Variants in CDK11A observed in about 807,000 individuals in gnomAD.
The protein encoded by CDK11A is cyclin-dependent kinase 11A.
CDK11A carries 55 observed loss-of-function variants against 83.6 expected under a neutral mutation model. The ratio of observed to expected loss-of-function variants is 0.66; its 90% CI spans 0.53 to 0.82. The LOEUF (loss-of-function observed/expected upper bound fraction) is 0.82, where lower values mean the gene tolerates loss of function less well. Among genes scored for constraint, CDK11A ranks in the 40% least tolerant of loss-of-function variants. The pLI, the probability that CDK11A is intolerant of heterozygous loss-of-function variation, is 0.00. For missense variants in CDK11A, 564 were observed against 810.1 expected, an observed-to-expected ratio of 0.70 and a Z score of 3.69; for synonymous variants, 247 against 302.7, an observed-to-expected ratio of 0.82 and a Z score of 1.91.
chr1:1,708,136 G>A lies in CDK11A; in HGVS notation c.1069+44C>T, dbSNP rs369174270. On this transcript the variant is annotated intron_variant, in intron 10 of 19. Transcript: ENST00000404249. Reference sequence around the variant, plus strand: ...GTCTTAGGAGAGGGCTGCTGCACTCGGAGACAGACAAGGAGGGGGCTCTGT... The same window carrying A: ...GTCTTAGGAGAGGGCTGCTGCACTCAGAGACAGACAAGGAGGGGGCTCTGT... 197 of 1,574,210 alleles carry A rather than the reference G, an allele frequency of 1.3e-4. 4 individuals carry two copies. The highest frequency in any genetic ancestry group is 4.0e-4 in the South Asian group (34 of 85,814).
In CDK11A at chr1:1,704,559, A is replaced by C; in HGVS notation, c.1555T>G (p.Phe519Val). The part of the protein sequence containing the change: ...KSLMETMKQP[F>V]LPGEVKTLMI... Reference sequence around the variant, plus strand: ...CGGGGCGCGGCTGTACCTGGCAGGAAGGGCTGTTTCATGGTCTCCATCAGG... The same window carrying C: ...CGGGGCGCGGCTGTACCTGGCAGGACGGGCTGTTTCATGGTCTCCATCAGG... Residue 519 changes from phenylalanine to valine, a missense_variant, in exon 14 of 20, where the codon TTC becomes GTC. This residue lies in a region of CDK11A where 361 missense variants were observed against 402.7 expected (regional missense o/e 0.90). Transcript: ENST00000404249. The C allele has an allele frequency of 6.2e-7, 1 of 1,604,834 alleles. No homozygotes were observed. Among genetic ancestry groups the C allele is most frequent in the South Asian group, 1.1e-5 (1 of 90,020 alleles).
Position 1,704,210 on chromosome 1 carries a change from G to A in CDK11A, c.1686+13C>T. 6.2e-7 allele frequency: 1 copy of A among 1,608,392 alleles called. No individual in the cohort carries two copies. Among genetic ancestry groups the A allele is most frequent in the Non-Finnish European group, 8.5e-7 (1 of 1,176,762 alleles). On this transcript the variant is annotated intron_variant, in intron 15 of 19. Transcript: ENST00000404249. The stretch of plus-strand genomic sequence containing the variant: ...GGGTCACCCTGGGATGGGCCACTCG[G>A]AGGGGGGCTCACCTTGAGGATGCCG...
chr1:1,717,892 C>T (rs1644735967), intron 4 of CDK11A, among the ~76,000 whole-genome samples: 1 of 150,020 alleles, frequency 6.7e-6, no homozygotes, highest in African/African-American at 2.5e-5. Context: ...AGAGTTTGCT[C>T]TCTCTGGTTT....
chr1:1,722,249 T>C (rs1400388898), intron 2 of CDK11A, among the ~76,000 whole-genome samples: 1 of 151,150 alleles, frequency 6.6e-6, no homozygotes, highest in African/African-American at 2.4e-5. Flanking sequence ...CTGTACTCAC[T>C]AACATCCCAA....
intron 5 of CDK11A, among the ~76,000 whole-genome samples, chr1:1,714,575 C>G (rs1232110962): frequency 2.2e-5 from 1 of 45,246 alleles, no homozygotes; most frequent in African/African-American, 3.8e-5. Flanking sequence ...TCATGGCCAC[C>G]CCGTTCCTTC....
intron 2 of CDK11A, chr1:1,722,419 T>C (rs1185404987): frequency 8.5e-6 from 5 of 585,644 alleles, no homozygotes; most frequent in Middle Eastern, 5.1e-4. Flanking sequence ...TACTTAGAGA[T>C]AGTATTATGA....
chr1:1,715,735 C>G (rs951773029), intron 5 of CDK11A, among the ~76,000 whole-genome samples: 1 of 151,266 alleles, frequency 6.6e-6, no homozygotes, highest in South Asian at 2.1e-4. Flanking sequence ...TGTGGACTCA[C>G]TCTGAAGGCG....
intron 6 of CDK11A, among the ~76,000 whole-genome samples, chr1:1,710,600 T>A (rs1644463661): frequency 6.8e-6 from 1 of 146,094 alleles, no homozygotes; most frequent in Non-Finnish European, 1.5e-5. Flanking sequence ...GGACAGTATG[T>A]CCCATTCAGA....
chr1:1,718,012 C>T lies in CDK11A; in HGVS notation c.355+1316G>A, dbSNP rs111602827. 1.1e-4 allele frequency among the ~76,000 whole-genome samples: 15 copies of T among 137,018 alleles called. 3 individuals carry two copies. The highest frequency in any genetic ancestry group is 2.4e-4 in the South Asian group (1 of 4,146). 89.9% of individuals were successfully genotyped at this position (137,018 alleles called of 152,430 possible). On this transcript the variant is annotated intron_variant, in intron 4 of 19. Coordinates refer to ENST00000404249, the MANE Select transcript of CDK11A (RefSeq NM_024011.4). ...GCTGGAGTTTGCTCTGTCTGGTTTT[C>T]GGTCTGTGACACACGCATGCTTTTA...
rs564492756 is a variant in CDK11A at position 1,704,653 on chromosome 1, C to A, written c.1461G>T (p.Glu487Asp). The change falls in exon 14 of 20, where the codon GAG becomes GAT. Residue 487 changes from glutamate (E) to aspartate (D), a missense_variant and splice_region_variant. Transcript: ENST00000404249. The stretch of plus-strand genomic sequence containing the variant: ...TGTCCATGTTGCTGCCCACCACAAT[C>A]TCCTGCAGGGCACGGCTCTGTGGGT... ...AQHPNIVTVR[E>D]IVVGSNMDKI... 6 of 1,597,148 alleles carry A rather than the reference C, an allele frequency of 3.8e-6. No individual in the cohort carries two copies. In the Admixed American group the frequency reaches 1.0e-4, roughly 28 times the overall value.
chr1:1,717,588 G>A (rs1331049341), intron 4 of CDK11A, among the ~76,000 whole-genome samples: 1 of 150,566 alleles, frequency 6.6e-6, no homozygotes, highest in Non-Finnish European at 1.5e-5. Context: ...ATTCTGAATG[G>A]TCTGTGACAC....
rs1644245381 is a variant in CDK11A at position 1,704,735 on chromosome 1, C to G, written c.1459-80G>C. ...GCACCCGGGCGCAGATGCTGAGGGA[C>G]AGTAAGGACCTCCGGTGCCACCCGG... On this transcript the variant is annotated intron_variant, in intron 13 of 19. Transcript: ENST00000404249. The G allele has an allele frequency of 3.7e-6, 6 of 1,600,694 alleles. 1 individual carries two copies. The South Asian group carries it at 6.7e-5, about 18-fold the overall frequency.
chr1:1,710,355 C>A (rs992718412), intron 6 of CDK11A, among the ~76,000 whole-genome samples: 2 of 36,130 alleles, frequency 5.5e-5, no homozygotes, highest in African/African-American at 1.3e-4. Flanking sequence ...ACATTAAAAA[C>A]ATCTGTATTG....
At position 1,702,460 on chromosome 1, in the gene CDK11A, TGGGGCTGGGGGTTG is replaced by T. The variant is rs1442173149; in HGVS notation, c.*433_*446del. Among the ~76,000 whole-genome samples the T allele has an allele frequency of 2.5e-5, 3 of 118,384 alleles. No homozygotes were observed. Among genetic ancestry groups the T allele is most frequent in the African/African-American group, 5.8e-5 (2 of 34,568 alleles). The allele number at this position is 118,384 out of a possible 152,430, so 77.7% of individuals were successfully genotyped here. The stretch of plus-strand genomic sequence containing the variant: ...AACCTGTCGAGTCTGCTGGCACAGC[TGGGGCTGGGGGTTG>T]GGGGCCGGGGGCCTGTGTGGACAGG... On this transcript the variant is annotated 3_prime_UTR_variant, in exon 20 of 20. Transcript: ENST00000404249.
rs764283736 is a variant in CDK11A at position 1,708,282 on chromosome 1, C to T, written c.1004-37G>A. 57 of 1,419,808 alleles carry T rather than the reference C, an allele frequency of 4.0e-5. 2 individuals are homozygous for T. The highest frequency in any genetic ancestry group is 3.9e-4 in the Admixed American group (15 of 38,934). The allele number at this position is 1,419,808 out of a possible 1,614,324, so 88.0% of individuals were successfully genotyped here. A position where few individuals can be genotyped will look rare whatever the true frequency, so the allele number is the denominator to read the frequency against. The stretch of plus-strand genomic sequence containing the variant: ...AGGAGGCGTCTGCTCAGACCAGCAC[C>T]GGGGCGAGTGCTGCCACAGGCAGGA... On this transcript the variant is annotated intron_variant, in intron 9 of 19. Transcript: ENST00000404249.
rs1272601159 is a variant in CDK11A, at chr1:1,713,045, G to A, written c.489-645C>T. 1.6e-4 allele frequency among the ~76,000 whole-genome samples: 6 copies of A among 37,932 alleles called. 3 individuals are homozygous for A. The Admixed American group carries it at 1.7e-3, about 11-fold the overall frequency. The allele number at this position is 37,932 out of a possible 152,430, so 24.9% of individuals were successfully genotyped here. ...GTCACCCAGGCTGGAGTGCAGTGGC[G>A]CAATCTCGGCTCACTGCAACCTCCA... On this transcript the variant is annotated intron_variant, in intron 5 of 19. Transcript: ENST00000404249.
intron 3 of CDK11A, among the ~76,000 whole-genome samples, chr1:1,719,895 G>A (rs1570434953): frequency 6.6e-6 from 1 of 150,502 alleles, no homozygotes. Context: ...GATTACAGGC[G>A]TGAGCCACCG....
At position 1,704,436 on chromosome 1, in the gene CDK11A, C is replaced by T. The variant is rs757885443; in HGVS notation, c.1565-92G>A. The T allele has an allele frequency of 8.4e-6, 13 of 1,555,750 alleles. 1 individual carries two copies. In the South Asian group the frequency reaches 1.2e-4, roughly 14 times the overall value. On this transcript the variant is annotated intron_variant, in intron 14 of 19. Coordinates refer to ENST00000404249, the MANE Select transcript of CDK11A (RefSeq NM_024011.4). ...CTCGCCTCGGCAGCAACAGAGGCTT[C>T]TCAGGGCTTTCCCTGTGGATGCAGC...
Position 1,716,334 on chromosome 1 carries a change from C to A in CDK11A, c.488+12G>T. 6.2e-7 allele frequency: 1 copy of A among 1,608,170 alleles called. No individual in the cohort carries two copies. The highest frequency in any genetic ancestry group is 1.1e-5 in the South Asian group (1 of 90,704). On this transcript the variant is annotated intron_variant, in intron 5 of 19. Transcript: ENST00000404249. ...CCTTTCATAAAGTCCTCAACTGACC[C>A]AGCCCACTCACCTTTCTCTCCTGGA...
Sources: allele counts gnomAD v4.1 joint callset (sites outside exome capture counted in the v4.1 genomes callset), GRCh38; gene constraint gnomAD v4.1.1; regional missense constraint gnomAD v4.1.1; transcripts MANE v1.5; gene names NCBI Gene and HGNC (gene_info 2026-07-23, HGNC 2026-07-21).